CADM2: variants seen among roughly 807,000 people sequenced by gnomAD.
CADM2 encodes the protein cell adhesion molecule 2.
A neutral mutation model predicts 49.8 loss-of-function variants in CADM2; 12 were observed. The ratio of observed to expected loss-of-function variants is 0.24; its 90% CI spans 0.15 to 0.39. CADM2 has a LOEUF of 0.39. Ranked by LOEUF, CADM2 falls within the 10% of genes least tolerant of loss-of-function variation. The probability of loss-of-function intolerance (pLI) is 1.00; values close to 1 mark genes in which losing one functional copy is unlikely to be tolerated. For missense variants in CADM2, 378 were observed against 492.3 expected, an observed-to-expected ratio of 0.77 and a Z score of 2.20; for synonymous variants, 214 against 175.4, an observed-to-expected ratio of 1.22 and a Z score of -1.74.
chr3:85,341,159 G>T (rs374470694), intron 1 of CADM2, among the ~76,000 whole-genome samples: 1 of 150,634 alleles, frequency 6.6e-6, no homozygotes. Context: ...TCAAGCATAC[G>T]GAATATAAAA....
At chr3:85,786,351 A>G (rs2070989733) in intron 2 of CADM2, among the ~76,000 whole-genome samples, 1 of 152,144 alleles carries the variant, frequency 6.6e-6, no homozygotes, top group Admixed American at 6.6e-5. Flanking sequence ...ATCTATACAA[A>G]GTACCAAGTT....
chr3:85,730,949 A>C (rs536268180), intron 2 of CADM2, among the ~76,000 whole-genome samples: 1 of 152,308 alleles, frequency 6.6e-6, no homozygotes, highest in African/African-American at 2.4e-5. Flanking sequence ...AATAAAAATT[A>C]ACATAATTAT....
chr3:85,013,521 T>C (rs1339735578), intron 1 of CADM2, among the ~76,000 whole-genome samples: 2 of 151,866 alleles, frequency 1.3e-5, no homozygotes, highest in African/African-American at 4.8e-5. Context: ...TTTTAATAAA[T>C]AGAATACAAA....
At chr3:85,084,317 G>T (rs2037290622) in intron 1 of CADM2, among the ~76,000 whole-genome samples, 2 of 152,222 alleles carry the variant, frequency 1.3e-5, no homozygotes, top group South Asian at 4.1e-4. Context: ...TTAGCAAAAA[G>T]AAATATTCAT....
chr3:85,583,100 A>G (rs969007576), intron 1 of CADM2, among the ~76,000 whole-genome samples: 1 of 152,156 alleles, frequency 6.6e-6, no homozygotes, highest in African/African-American at 2.4e-5. Context: ...CGTTAGGAAT[A>G]AAGTTCAAAT....
At position 85,959,050 on chromosome 3, in the gene CADM2, CTATATATCTATATCTA is replaced by C. The variant is rs915878253; in HGVS notation, c.792-2413_792-2398del. ...AAAATCTATATCTATATCTATATAT[CTATATATCTATATCTA>C]TATATCTATATAGCTATATCTATAT... On this transcript the variant is annotated intron_variant, in intron 7 of 9. Transcript: ENST00000383699. 6.0e-5 allele frequency among the ~76,000 whole-genome samples: 9 copies of C among 150,564 alleles called. No homozygotes were observed. In the Admixed American group the frequency reaches 6.0e-4, roughly 10 times the overall value.
intron 1 of CADM2, among the ~76,000 whole-genome samples, chr3:84,990,623 C>T (rs1038505741): frequency 1.3e-5 from 2 of 151,830 alleles, no homozygotes; most frequent in African/African-American, 2.4e-5. Flanking sequence ...AATTAAAATA[C>T]ATTTTTATAA....
chr3:85,068,055 G>C (rs1344864277), intron 1 of CADM2, among the ~76,000 whole-genome samples: 2 of 152,056 alleles, frequency 1.3e-5, no homozygotes, highest in Non-Finnish European at 2.9e-5. Context: ...ACATATGGAA[G>C]CTCAAAAAAT....
At chr3:85,421,264 C>T (rs1389385772) in intron 1 of CADM2, among the ~76,000 whole-genome samples, 2 of 152,034 alleles carry the variant, frequency 1.3e-5, no homozygotes, top group Admixed American at 1.3e-4. Flanking sequence ...GTATTTATTC[C>T]TGTTGTTAAA....
At chr3:85,372,433 A>ATGTATATGTG (rs1559806245) in intron 1 of CADM2, among the ~76,000 whole-genome samples, 9 of 131,272 alleles carry the variant, frequency 6.9e-5, no homozygotes. Context: ...GTGTGTATAT[A>ATGTATATGTG]TGTATATATG....
intron 1 of CADM2, among the ~76,000 whole-genome samples, chr3:85,135,779 T>C (rs2039400050): frequency 6.6e-6 from 1 of 152,026 alleles, no homozygotes; most frequent in Admixed American, 6.6e-5. Context: ...AATTTATACA[T>C]CCAGTTGTGT....
chr3:86,072,561 G>A lies in CADM2; in HGVS notation c.*5778G>A, dbSNP rs950043140. 1 of 152,010 alleles carries A rather than the reference G, an allele frequency of 6.6e-6. No homozygotes were observed. Among genetic ancestry groups the A allele is most frequent in the South Asian group, 2.1e-4 (1 of 4,828 alleles). 9.4% of individuals were successfully genotyped at this position (152,010 alleles called of 1,614,324 possible). A position where few individuals can be genotyped will look rare whatever the true frequency, so the allele number is the denominator to read the frequency against. ...CACTTTTCCCACATCCAGGGTCAAA[G>A]CAGCAGTAACTACATGGACTTTTAA... On this transcript the variant is annotated 3_prime_UTR_variant, in exon 10 of 10. Coordinates refer to ENST00000383699, the MANE Select transcript of CADM2 (RefSeq NM_001167675.2).
chr3:85,465,073 C>T (rs920952914), intron 1 of CADM2, among the ~76,000 whole-genome samples: 5 of 152,120 alleles, frequency 3.3e-5, no homozygotes, highest in Admixed American at 3.3e-4. Context: ...TGCTGGAACC[C>T]AGGAGGGCAG....
chr3:86,027,239 T>G (rs2107114692), intron 8 of CADM2, among the ~76,000 whole-genome samples: 1 of 152,320 alleles, frequency 6.6e-6, no homozygotes, highest in South Asian at 2.1e-4. Context: ...TTTATGCTCT[T>G]AGATTTTCTT....
chr3:85,618,689 C>G (rs1259447162), intron 1 of CADM2, among the ~76,000 whole-genome samples: 1 of 151,850 alleles, frequency 6.6e-6, no homozygotes, highest in Admixed American at 6.6e-5. Flanking sequence ...ACATATTATA[C>G]TATTAAGTAC....
intron 2 of CADM2, among the ~76,000 whole-genome samples, chr3:85,763,581 C>G (rs1049550401): frequency 6.6e-6 from 1 of 152,166 alleles, no homozygotes; most frequent in East Asian, 1.9e-4. Flanking sequence ...TTTCTTACAG[C>G]ATTTAAGTGG....
chr3:85,689,622 G>A (rs958216141), intron 1 of CADM2, among the ~76,000 whole-genome samples: 1 of 152,146 alleles, frequency 6.6e-6, no homozygotes, highest in African/African-American at 2.4e-5. Context: ...TATGGATTTT[G>A]CATTAAAAAT....
At chr3:86,066,618 T>A (rs778054917) in intron 9 of CADM2, 47 bp from the exon 10 acceptor site, 2 of 1,379,118 alleles carry the variant, frequency 1.5e-6, no homozygotes, top group Non-Finnish European at 2.1e-6. Flanking sequence ...TGCTGGGTAT[T>A]TTACCAGTCT....
chr3:84,967,322 G>A (rs1055422084), intron 1 of CADM2, among the ~76,000 whole-genome samples: 25 of 152,170 alleles, frequency 1.6e-4, no homozygotes, highest in Admixed American at 7.9e-4. Context: ...TGTAAAAAAA[G>A]TCCTAATTTT....
Sources: gnomAD v4.1 joint callset for allele counts (sites outside exome capture counted in the v4.1 genomes callset) on GRCh38, gnomAD v4.1.1 for gene constraint, MANE v1.5 for transcripts, NCBI Gene and HGNC (gene_info 2026-07-23, HGNC 2026-07-21) for gene names.